The following LIMA1 variants were observed in gnomAD, a reference collection of about 807,000 sequenced individuals.
LIMA1 encodes the protein LIM domain and actin-binding protein 1.
Under a neutral mutation model 62.6 loss-of-function variants are expected in LIMA1, and 52 were observed. That is an observed-to-expected ratio of 0.83 (90% CI 0.67 to 1.05). The LOEUF (loss-of-function observed/expected upper bound fraction) is 1.05, where lower values mean the gene tolerates loss of function less well. Among genes scored for constraint, LIMA1 ranks in the 50% least tolerant of loss-of-function variants. The probability of loss-of-function intolerance (pLI) is 0.00; values close to 1 mark genes in which losing one functional copy is unlikely to be tolerated. For synonymous variants in LIMA1, 302 were observed against 317.8 expected, an observed-to-expected ratio of 0.95 and a Z score of 0.53; for missense variants, 780 against 902.2, an observed-to-expected ratio of 0.86 and a Z score of 1.74.
rs147710196 is a variant in LIMA1 at position 50,248,410 on chromosome 12, ATAAC to A, written c.119+219_119+222del. 7.6e-3 allele frequency among the ~76,000 whole-genome samples: 1,164 copies of A among 152,326 alleles called. 13 individuals are homozygous for A. The highest frequency in any genetic ancestry group is 0.026 in the African/African-American group (1,083 of 41,572). On this transcript the variant is annotated intron_variant, in intron 2 of 10. Coordinates refer to ENST00000341247, the MANE Select transcript of LIMA1 (RefSeq NM_016357.5). Reference sequence around the variant, plus strand: ...CTTTTTTAAAATAATTTTTGTGTCTATAACTGTTTCTTCCACAAACTAAACAAAA... The same window carrying A: ...CTTTTTTAAAATAATTTTTGTGTCTATGTTTCTTCCACAAACTAAACAAAA...
chr12:50,226,261 CA>C (rs1353081012), intron 3 of LIMA1, among the ~76,000 whole-genome samples: 4 of 151,676 alleles, frequency 2.6e-5, no homozygotes, highest in African/African-American at 9.7e-5. Context: ...TGCCCAGGCT[CA>C]AACTCCCAGG....
In LIMA1 at chr12:50,219,011, G is replaced by A. The variant is rs181108069; in HGVS notation, c.630+3010C>T. ...TTCTCTATAAAGTCTACTATGTTCT[G>A]GTCTCATTTCAAAAAGTATAAACAC... is the stretch of plus-strand genomic sequence containing the variant. On this transcript the variant is annotated intron_variant, in intron 4 of 10. Transcript: ENST00000341247. Among the ~76,000 whole-genome samples, 5 of 151,910 alleles carry A rather than the reference G, an allele frequency of 3.3e-5. No homozygotes were observed. The East Asian group carries it at 9.7e-4, about 29-fold the overall frequency.
At chr12:50,235,047 C>T (rs1299916441) in intron 2 of LIMA1, among the ~76,000 whole-genome samples, 1 of 152,010 alleles carries the variant, frequency 6.6e-6, no homozygotes, top group Non-Finnish European at 1.5e-5. Context: ...ATTCTCCTAC[C>T]TCAGCCTTGC....
At chr12:50,242,385 T>C (rs1247866854) in intron 2 of LIMA1, among the ~76,000 whole-genome samples, 1 of 151,820 alleles carries the variant, frequency 6.6e-6, no homozygotes, top group African/African-American at 2.4e-5. Context: ...AGATAGGTTC[T>C]CACTCTGTCA....
Position 50,177,348 on chromosome 12 carries a change from T to G in LIMA1, c.1996A>C (p.Ser666Arg). 1 of 1,614,204 alleles carries G rather than the reference T, an allele frequency of 6.2e-7. No individual in the cohort carries two copies. Among genetic ancestry groups the G allele is most frequent in the Non-Finnish European group, 8.5e-7 (1 of 1,180,030 alleles). The change falls in exon 11 of 11, where the codon AGT becomes CGT. Residue 666 changes from serine (S) to arginine (R), a missense_variant. By Grantham distance (110) the Ser-to-Arg change is moderately radical (BLOSUM62 -1). Transcript: ENST00000341247. Reference sequence around the variant, plus strand: ...ATCTCCAAACTATGACCTTCCTTACTTCTCTTCCCTGTCTCTCCTTTAGAT... The same window carrying G: ...ATCTCCAAACTATGACCTTCCTTACGTCTCTTCCCTGTCTCTCCTTTAGAT... Reference protein sequence around the residue: ...KESKGETGKRSKEGHSLEMEN... With the variant: ...KESKGETGKRRKEGHSLEMEN...
At chr12:50,278,782 T>C (rs555813920) in intron 1 of LIMA1, among the ~76,000 whole-genome samples, 1 of 152,232 alleles carries the variant, frequency 6.6e-6, no homozygotes, top group Non-Finnish European at 1.5e-5. Context: ...TTTGATGCTA[T>C]GAAAAATAAT....
At chr12:50,195,743 A>G (rs1940913272) in intron 8 of LIMA1, 87 bp downstream of exon 8, 1 of 1,294,878 alleles carries the variant, frequency 7.7e-7, no homozygotes, top group Non-Finnish European at 1.1e-6. Flanking sequence ...TTATTTTCTC[A>G]GCACTGACAG....
At chr12:50,258,161 T>C (rs1266881997) in intron 1 of LIMA1, among the ~76,000 whole-genome samples, 2 of 152,188 alleles carry the variant, frequency 1.3e-5, no homozygotes, top group Non-Finnish European at 2.9e-5. Flanking sequence ...GAGCCCTGTT[T>C]TCTTTTATGG....
chr12:50,193,003 TGCGC>T (rs5798131), intron 8 of LIMA1, among the ~76,000 whole-genome samples: 10 of 105,434 alleles, frequency 9.5e-5, no homozygotes, highest in African/African-American at 3.5e-4. Flanking sequence ...TGTGTGTGTG[TGCGC>T]GCGTGCGCGC....
chr12:50,191,026 T>G (rs1356195661), intron 9 of LIMA1, among the ~76,000 whole-genome samples: 1 of 149,626 alleles, frequency 6.7e-6, no homozygotes, highest in Non-Finnish European at 1.5e-5. Flanking sequence ...GGAGGATGGT[T>G]TGAGCTCAGG....
At chr12:50,271,352 T>C (rs368502395) in intron 1 of LIMA1, among the ~76,000 whole-genome samples, 140 of 152,236 alleles carry the variant, frequency 9.2e-4, no homozygotes, top group Middle Eastern at 3.4e-3. Flanking sequence ...CTTTTTTTTT[T>C]CCCTTTAAAT....
chr12:50,267,037 G>A (rs1011333947), intron 1 of LIMA1, among the ~76,000 whole-genome samples: 4 of 151,900 alleles, frequency 2.6e-5, no homozygotes, highest in South Asian at 2.1e-4. Context: ...TGGGATTACC[G>A]GGGCGTGCCA....
At chr12:50,276,370 G>A (rs1033961511) in intron 1 of LIMA1, among the ~76,000 whole-genome samples, 2 of 152,074 alleles carry the variant, frequency 1.3e-5, no homozygotes, top group South Asian at 2.1e-4. Flanking sequence ...TAGCCTAACA[G>A]GTAGCTGGAA....
At chr12:50,197,801 T>C (rs1452620136) in intron 7 of LIMA1, among the ~76,000 whole-genome samples, 2 of 96,446 alleles carry the variant, frequency 2.1e-5, no homozygotes, top group Non-Finnish European at 3.8e-5. Flanking sequence ...CTCTTAAAAT[T>C]TCTTTCTTTC....
At position 50,234,191 on chromosome 12, in the gene LIMA1, T is replaced by A. The variant is rs752084344; in HGVS notation, c.120-2481A>T. Reference sequence around the variant, plus strand: ...TGTGCAGGTACAAGCTGCACAAATCTCCAGACCACCCAGAACAACCTTTTT... The same window carrying A: ...TGTGCAGGTACAAGCTGCACAAATCACCAGACCACCCAGAACAACCTTTTT... On this transcript the variant is annotated intron_variant, in intron 2 of 10. Coordinates refer to ENST00000341247, the MANE Select transcript of LIMA1 (RefSeq NM_016357.5). 2.3e-5 allele frequency: 10 copies of A among 426,488 alleles called. No homozygotes were observed. The East Asian group carries it at 5.9e-4, about 25-fold the overall frequency. The allele number at this position is 426,488 out of a possible 1,614,324, so 26.4% of individuals were successfully genotyped here. A position where few individuals can be genotyped will look rare whatever the true frequency, so the allele number is the denominator to read the frequency against.
At chr12:50,235,016 T>C (rs1446352462) in intron 2 of LIMA1, among the ~76,000 whole-genome samples, 1 of 152,030 alleles carries the variant, frequency 6.6e-6, no homozygotes, top group Admixed American at 6.6e-5. Flanking sequence ...GTAGCTTGCC[T>C]TGACCTCCAG....
chr12:50,226,157 C>T (rs1303862341), intron 3 of LIMA1, among the ~76,000 whole-genome samples: 2 of 152,096 alleles, frequency 1.3e-5, no homozygotes, highest in Non-Finnish European at 2.9e-5. Context: ...AGTGATCCTG[C>T]CACCTCTGCC....
chr12:50,235,202 G>A (rs570765670), intron 2 of LIMA1, among the ~76,000 whole-genome samples: 1 of 150,468 alleles, frequency 6.6e-6, no homozygotes, highest in East Asian at 2.0e-4. Flanking sequence ...TCAAAGTGTT[G>A]AAATTACAGG....
intron 1 of LIMA1, among the ~76,000 whole-genome samples, chr12:50,277,213 T>C (rs1238121836): frequency 6.6e-6 from 1 of 152,030 alleles, no homozygotes; most frequent in East Asian, 1.9e-4. Context: ...TCTTTTTGAC[T>C]TCTTTTTTTT....
Sources: allele counts gnomAD v4.1 joint callset (sites outside exome capture counted in the v4.1 genomes callset), GRCh38; gene constraint gnomAD v4.1.1; transcripts MANE v1.5; gene names NCBI Gene and HGNC (gene_info 2026-07-23, HGNC 2026-07-21).